NXPH1: variants seen among roughly 807,000 people sequenced by gnomAD.
The protein encoded by NXPH1 is neurexophilin 1.
In NXPH1, 5 loss-of-function variants were observed where a neutral mutation model predicts 23.7. The observed-to-expected ratio is 0.21, with a 90% CI of 0.11 to 0.44. NXPH1 has a LOEUF of 0.44. Among genes scored for constraint, NXPH1 ranks in the 20% least tolerant of loss-of-function variants. The pLI, the probability that NXPH1 is intolerant of heterozygous loss-of-function variation, is 0.99. For synonymous variants in NXPH1, 144 were observed against 122.2 expected, an observed-to-expected ratio of 1.18 and a Z score of -1.18; for missense variants, 324 against 321.6, an observed-to-expected ratio of 1.01 and a Z score of -0.06.
Position 8,738,573 on chromosome 7 carries a change from G to A in NXPH1, c.55-12435G>A, listed in dbSNP as rs6958442. The stretch of plus-strand genomic sequence containing the variant: ...GGTGTCTGTCGACCCCTGCTTGGGG[G>A]TATCTCCCAGTCAGGAGGCACGGGA... On this transcript the variant is annotated intron_variant, in intron 2 of 2. Coordinates refer to ENST00000405863, the MANE Select transcript of NXPH1 (RefSeq NM_152745.3). Among the ~76,000 whole-genome samples, 553 of 152,266 alleles carry A rather than the reference G, an allele frequency of 3.6e-3. 2 individuals are homozygous for A. Among genetic ancestry groups the A allele is most frequent in the African/African-American group, 0.013 (522 of 41,570 alleles).
chr7:8,519,442 T>G (rs7776569), intron 2 of NXPH1, among the ~76,000 whole-genome samples: 55,022 of 151,998 alleles, frequency 0.36, 10,362 homozygotes, highest in African/African-American at 0.45. Context: ...TTCCCAACAT[T>G]AAAAATGCTA....
chr7:8,739,171 T>TAAAAAAA (rs34593997), intron 2 of NXPH1, among the ~76,000 whole-genome samples: 1,000 of 54,104 alleles, frequency 0.018, 25 homozygotes, highest in Non-Finnish European at 0.022. Flanking sequence ...ACCAGTGGGG[T>TAAAAAAA]AAAAAAAAAA....
intron 2 of NXPH1, among the ~76,000 whole-genome samples, chr7:8,597,236 G>A (rs889404960): frequency 2.6e-5 from 4 of 152,218 alleles, no homozygotes; most frequent in South Asian, 2.1e-4. Context: ...AGACAGTTGG[G>A]TCTTTTCAGC....
intron 2 of NXPH1, among the ~76,000 whole-genome samples, chr7:8,494,307 A>C (rs1302777912): frequency 6.6e-6 from 1 of 152,094 alleles, no homozygotes; most frequent in Non-Finnish European, 1.5e-5. Context: ...GAATGTGATA[A>C]ATCCCATGAT....
intron 2 of NXPH1, among the ~76,000 whole-genome samples, chr7:8,669,175 G>A (rs180838940): frequency 1.3e-5 from 2 of 152,308 alleles, no homozygotes; most frequent in Admixed American, 1.3e-4. Flanking sequence ...GTGTGGGTGT[G>A]TGCTGGGGCC....
At chr7:8,504,561 C>T (rs1817490724) in intron 2 of NXPH1, among the ~76,000 whole-genome samples, 1 of 152,018 alleles carries the variant, frequency 6.6e-6, no homozygotes, top group Non-Finnish European at 1.5e-5. Context: ...ATGGCTGGGA[C>T]ATGTTTTTGT....
chr7:8,681,610 A>G (rs1416768772), intron 2 of NXPH1, among the ~76,000 whole-genome samples: 1 of 152,214 alleles, frequency 6.6e-6, no homozygotes, highest in Non-Finnish European at 1.5e-5. Context: ...AAGGGCAATT[A>G]CAATACTTCA....
intron 2 of NXPH1, among the ~76,000 whole-genome samples, chr7:8,581,619 A>C (rs572943038): frequency 1.1e-4 from 16 of 152,324 alleles, no homozygotes; most frequent in African/African-American, 3.8e-4. Context: ...ATACAAATCC[A>C]AACCATATCC....
chr7:8,571,764 A>G (rs1176101060), intron 2 of NXPH1, among the ~76,000 whole-genome samples: 1 of 151,876 alleles, frequency 6.6e-6, no homozygotes, highest in East Asian at 1.9e-4. Flanking sequence ...AAGACACAAC[A>G]AAGCTTGGTA....
intron 2 of NXPH1, among the ~76,000 whole-genome samples, chr7:8,496,011 G>A (rs191829053): frequency 1.3e-5 from 2 of 152,152 alleles, no homozygotes; most frequent in East Asian, 3.9e-4. Flanking sequence ...AAGAACTTAA[G>A]TATGAGCACT....
intron 2 of NXPH1, among the ~76,000 whole-genome samples, chr7:8,596,085 A>G (rs145564308): frequency 6.6e-5 from 10 of 152,168 alleles, no homozygotes; most frequent in African/African-American, 2.4e-4. Context: ...TAGGCATTAT[A>G]TATTTTTTTC....
chr7:8,448,066 G>T (rs557322239), intron 2 of NXPH1, among the ~76,000 whole-genome samples: 2 of 152,236 alleles, frequency 1.3e-5, no homozygotes, highest in Non-Finnish European at 2.9e-5. Flanking sequence ...CTTAAGGGAA[G>T]CAGCATTGTG....
chr7:8,501,847 G>A (rs561576279), intron 2 of NXPH1, among the ~76,000 whole-genome samples: 5 of 152,194 alleles, frequency 3.3e-5, no homozygotes, highest in African/African-American at 9.6e-5. Context: ...CCCAAGAGTC[G>A]TGGGTACATC....
rs4621710 is a variant in NXPH1, at chr7:8,627,517, G to A, written c.55-123491G>A. ...TCTTGGCTCTTTGAGTAGTAGGATC[G>A]CAGGGGGAGAAAGGCCTGACACTAG... On this transcript the variant is annotated intron_variant, in intron 2 of 2. Transcript: ENST00000405863. Among the ~76,000 whole-genome samples, 447 of 152,226 alleles carry A rather than the reference G, an allele frequency of 2.9e-3. 3 individuals are homozygous for A. The highest frequency in any genetic ancestry group is 0.01 in the African/African-American group (417 of 41,554).
chr7:8,449,234 T>C (rs1816461496), intron 2 of NXPH1, among the ~76,000 whole-genome samples: 1 of 152,206 alleles, frequency 6.6e-6, no homozygotes, highest in Admixed American at 6.5e-5. Context: ...AGCCACAGTA[T>C]CCCTCTCATA....
intron 2 of NXPH1, among the ~76,000 whole-genome samples, chr7:8,642,985 C>G (rs1302953626): frequency 1.3e-5 from 2 of 152,074 alleles, no homozygotes; most frequent in Non-Finnish European, 2.9e-5. Context: ...CTGCTTCAGC[C>G]TCCCAAGTAG....
chr7:8,444,081 G>C (rs1584158213), intron 2 of NXPH1, among the ~76,000 whole-genome samples: 1 of 152,232 alleles, frequency 6.6e-6, no homozygotes, highest in Non-Finnish European at 1.5e-5. Context: ...GAGCGTTGGC[G>C]CTAGGGGTTG....
Position 8,435,179 on chromosome 7 carries a change from A to C in NXPH1, c.-111+424A>C, listed in dbSNP as rs1042173302. ...CTCTCTCCCTTTATCTTTCCCCTCT[A>C]TCTCTCTCTGCTGGTGTGTACGTGT... On this transcript the variant is annotated intron_variant, in intron 1 of 2. Transcript: ENST00000405863. This position sits in a 1 kb window ranked among gnomAD's most constrained non-coding sequence, Gnocchi z 5.9. 3 of 162,148 alleles carry C rather than the reference A, an allele frequency of 1.9e-5. No individual in the cohort carries two copies. The highest frequency in any genetic ancestry group is 2.7e-5 in the Non-Finnish European group (2 of 75,202). The allele number at this position is 162,148 out of a possible 1,614,324, so 10.0% of individuals were successfully genotyped here. A position where few individuals can be genotyped will look rare whatever the true frequency, so the allele number is the denominator to read the frequency against.
intron 2 of NXPH1, among the ~76,000 whole-genome samples, chr7:8,734,689 C>A (rs1404246128): frequency 6.6e-6 from 1 of 152,128 alleles, no homozygotes; most frequent in Non-Finnish European, 1.5e-5. Context: ...GTGGAGAGTT[C>A]TGTAAATGCC....
Sources: gnomAD v4.1 joint callset for allele counts (sites outside exome capture counted in the v4.1 genomes callset) on GRCh38, gnomAD v4.1.1 for gene constraint, Gnocchi (gnomAD v3.1) non-coding constraint, MANE v1.5 for transcripts, NCBI Gene and HGNC (gene_info 2026-07-23, HGNC 2026-07-21) for gene names.